Variants in MAGI2 observed in about 807,000 individuals in gnomAD.
The protein encoded by MAGI2 is membrane-associated guanylate kinase, WW and PDZ domain-containing protein 2.
In MAGI2, 35 loss-of-function variants were observed where a neutral mutation model predicts 133.3. The observed-to-expected ratio is 0.26, with a 90% confidence interval of 0.20 to 0.35. The LOEUF (loss-of-function observed/expected upper bound fraction) is 0.35. Ranked by LOEUF, MAGI2 falls within the 10% of genes least tolerant of loss-of-function variation. MAGI2 has a pLI of 1.00. For missense variants in MAGI2, 1,636 were observed against 1,863.4 expected, an observed-to-expected ratio of 0.88 and a Z score of 2.25; for synonymous variants, 729 against 710.6, an observed-to-expected ratio of 1.03 and a Z score of -0.41.
intron 3 of MAGI2, among the ~76,000 whole-genome samples, chr7:78,540,890 G>A (rs1052798500): frequency 3.3e-5 from 5 of 152,340 alleles, no homozygotes; most frequent in East Asian, 1.9e-4. Flanking sequence ...CCAGCGAGAT[G>A]TGTGTTTGGA....
At chr7:79,158,196 G>A (rs1252156330) in intron 1 of MAGI2, among the ~76,000 whole-genome samples, 2 of 151,880 alleles carry the variant, frequency 1.3e-5, no homozygotes, top group Admixed American at 6.6e-5. Flanking sequence ...GAATTTAGAA[G>A]TCTAAGAAAG....
Position 78,369,143 on chromosome 7 carries a change from CT to C in MAGI2, c.1103+12del. The stretch of plus-strand genomic sequence containing the variant: ...ATATTAATAACAAGTTAATATCACA[CT>C]TAGAGACTTACTCAACATAATAAGT... On this transcript the variant is annotated intron_variant, in intron 7 of 21. Coordinates refer to ENST00000354212, the MANE Select transcript of MAGI2 (RefSeq NM_012301.4). 1 of 1,578,510 alleles carries C rather than the reference CT, an allele frequency of 6.3e-7. No individual in the cohort carries two copies. The highest frequency in any genetic ancestry group is 1.2e-5 in the South Asian group (1 of 86,536).
intron 2 of MAGI2, among the ~76,000 whole-genome samples, chr7:78,795,901 T>A (rs1787566395): frequency 6.6e-6 from 1 of 152,212 alleles, no homozygotes; most frequent in East Asian, 1.9e-4. Context: ...ACAGACTGTT[T>A]AAATAAATGG....
At chr7:78,649,063 C>T (rs1055914046) in intron 2 of MAGI2, among the ~76,000 whole-genome samples, 9 of 151,520 alleles carry the variant, frequency 5.9e-5, no homozygotes, top group South Asian at 2.1e-4. Flanking sequence ...TTTCTTCAGC[C>T]GCAGCATTCT....
At chr7:78,386,763 C>A (rs1795426529) in intron 6 of MAGI2, among the ~76,000 whole-genome samples, 1 of 152,132 alleles carries the variant, frequency 6.6e-6, no homozygotes, top group African/African-American at 2.4e-5. Context: ...ACTCTACATG[C>A]AAACACGAAA....
chr7:79,428,719 C>T (rs1847569168), intron 1 of MAGI2, among the ~76,000 whole-genome samples: 2 of 152,094 alleles, frequency 1.3e-5, no homozygotes, highest in South Asian at 2.1e-4. Flanking sequence ...AAAATGATAG[C>T]AGGCAACTAT....
chr7:78,376,906 T>C (rs565249123), intron 6 of MAGI2, among the ~76,000 whole-genome samples: 21 of 152,250 alleles, frequency 1.4e-4, no homozygotes, highest in African/African-American at 4.8e-4. Flanking sequence ...TAGTAGGTTT[T>C]TGTCTTTATA....
rs1197138014 is a variant in MAGI2 at position 79,168,885 on chromosome 7, GATAGATATATATATAT to G, written c.302-161695_302-161680del. Reference sequence around the variant, plus strand: ...TGTCTGCCAGGTTTTTCTTTCTAAAGATAGATATATATATATATATATATATATATATATATATATA... The same window carrying G: ...TGTCTGCCAGGTTTTTCTTTCTAAAGATATATATATATATATATATATATA... On this transcript the variant is annotated intron_variant, in intron 1 of 21. Transcript: ENST00000354212. Among the ~76,000 whole-genome samples the G allele has an allele frequency of 2.4e-3, 340 of 138,842 alleles. 4 individuals are homozygous for G. The highest frequency in any genetic ancestry group is 9.3e-3 in the African/African-American group (321 of 34,462). The allele number at this position is 138,842 out of a possible 152,430, so 91.1% of individuals were successfully genotyped here. A position where few individuals can be genotyped will look rare whatever the true frequency, so the allele number is the denominator to read the frequency against.
chr7:78,020,272 G>A (rs1175536235), intron 21 of MAGI2, among the ~76,000 whole-genome samples: 1 of 152,208 alleles, frequency 6.6e-6, no homozygotes, highest in Non-Finnish European at 1.5e-5. Flanking sequence ...AACTTCCGGG[G>A]GTGTTCTCGG....
chr7:78,518,532 T>A (rs1796227387), intron 4 of MAGI2: 1 of 152,134 alleles, frequency 6.6e-6, no homozygotes, highest in Non-Finnish European at 1.5e-5. Flanking sequence ...TCAAAAGAAG[T>A]GAATTATTTT....
intron 2 of MAGI2, among the ~76,000 whole-genome samples, chr7:78,653,447 T>C (rs756473369): frequency 2.0e-5 from 3 of 152,268 alleles, no homozygotes; most frequent in Non-Finnish European, 4.4e-5. Flanking sequence ...TGGAATACTA[T>C]CCAGACATAG....
At chr7:79,186,309 T>C (rs1024747828) in intron 1 of MAGI2, among the ~76,000 whole-genome samples, 1 of 148,132 alleles carries the variant, frequency 6.8e-6, no homozygotes, top group Non-Finnish European at 1.5e-5. Context: ...TGAGCGACCA[T>C]GCACTTATCA....
At chr7:78,656,355 A>G (rs1232149710) in intron 2 of MAGI2, among the ~76,000 whole-genome samples, 1 of 152,240 alleles carries the variant, frequency 6.6e-6, no homozygotes, top group Non-Finnish European at 1.5e-5. Context: ...AATGTTATTC[A>G]TCCTTTAAAA....
intron 1 of MAGI2, among the ~76,000 whole-genome samples, chr7:79,419,172 T>G (rs1166303743): frequency 6.6e-6 from 1 of 152,028 alleles, no homozygotes; most frequent in Non-Finnish European, 1.5e-5. Context: ...TTACTAAACA[T>G]CTCTTGTTTT....
intron 20 of MAGI2, among the ~76,000 whole-genome samples, chr7:78,101,562 T>C (rs922259587): frequency 6.6e-6 from 1 of 151,598 alleles, no homozygotes; most frequent in Non-Finnish European, 1.5e-5. Context: ...CAAAATGGAT[T>C]AAAGACTTAA....
intron 1 of MAGI2, among the ~76,000 whole-genome samples, chr7:79,238,359 A>T (rs968498319): frequency 6.6e-6 from 1 of 151,744 alleles, no homozygotes; most frequent in African/African-American, 2.4e-5. Flanking sequence ...CACACTTCTC[A>T]TGTGTTTCTG....
intron 3 of MAGI2, among the ~76,000 whole-genome samples, chr7:78,554,026 A>G (rs2150713560): frequency 6.6e-6 from 1 of 152,280 alleles, no homozygotes; most frequent in Non-Finnish European, 1.5e-5. Flanking sequence ...CCCCATTTCT[A>G]GTTCTAAAAA....
chr7:79,326,308 G>T (rs1003948040), intron 1 of MAGI2, among the ~76,000 whole-genome samples: 1 of 151,994 alleles, frequency 6.6e-6, no homozygotes, highest in African/African-American at 2.4e-5. Flanking sequence ...TATAATCATT[G>T]TTCATAACCA....
intron 2 of MAGI2, among the ~76,000 whole-genome samples, chr7:78,787,120 A>G (rs1563505708): frequency 6.6e-6 from 1 of 151,600 alleles, no homozygotes; most frequent in Non-Finnish European, 1.5e-5. Flanking sequence ...GCTAATTTTT[A>G]TATTTTTAGT....
Sources: gnomAD v4.1 joint callset for allele counts (sites outside exome capture counted in the v4.1 genomes callset) on GRCh38, gnomAD v4.1.1 for gene constraint, MANE v1.5 for transcripts, NCBI Gene and HGNC (gene_info 2026-07-23, HGNC 2026-07-21) for gene names.